Variants in HERC2 observed in about 807,000 individuals in gnomAD.
The protein encoded by HERC2 is HECT and RLD domain containing E3 ubiquitin protein ligase 2.
HERC2 carries 102 observed loss-of-function variants against 537.7 expected under a neutral mutation model. The observed-to-expected ratio is 0.19, with a 90% confidence interval of 0.16 to 0.22. The LOEUF (loss-of-function observed/expected upper bound fraction) is 0.22, where lower values mean the gene tolerates loss of function less well. Among genes scored for constraint, HERC2 ranks in the 10% least tolerant of loss-of-function variants. The pLI is 1.00. For missense variants in HERC2, 4,236 were observed against 6,198.2 expected (o/e 0.68, Z 10.63); for synonymous variants, 2,224 against 2,466.2 (o/e 0.90, Z 2.91).
chr15:28,137,279 T>C lies in HERC2; in HGVS notation c.12016-1587A>G, dbSNP rs531222293. Among the ~76,000 whole-genome samples the C allele has an allele frequency of 2.6e-5, 4 of 152,344 alleles. No homozygotes were observed. In the East Asian group the frequency reaches 7.7e-4, roughly 29 times the overall value. The stretch of plus-strand genomic sequence containing the variant: ...CACTTCAACACCTGTGCTAGCAGTC[T>C]GCCTCTGATACGGTTCACAATGATC... On this transcript the variant is annotated intron_variant, in intron 78 of 92. Coordinates refer to ENST00000261609, the MANE Select transcript of HERC2 (RefSeq NM_004667.6).
intron 2 of HERC2, among the ~76,000 whole-genome samples, chr15:28,300,039 C>T (rs2076577584): frequency 1.5e-5 from 2 of 132,984 alleles, no homozygotes; most frequent in Non-Finnish European, 3.1e-5. Context: ...GTGACAAGAG[C>T]GAGACTCGGT....
intron 70 of HERC2, among the ~76,000 whole-genome samples, chr15:28,150,519 A>G (rs1442933001): frequency 1.3e-5 from 2 of 150,014 alleles, no homozygotes; most frequent in Non-Finnish European, 3.0e-5. Context: ...CACCGAGAAC[A>G]GCCACATGAA....
intron 35 of HERC2, among the ~76,000 whole-genome samples, chr15:28,225,696 CAA>C (rs35629645): frequency 1.2e-4 from 7 of 58,814 alleles, no homozygotes; most frequent in South Asian, 4.8e-4. Flanking sequence ...GACTCCGTCT[CAA>C]AAAAAAAAAA....
intron 4 of HERC2, 49 bp downstream of exon 4, chr15:28,292,839 A>G: frequency 6.4e-7 from 1 of 1,569,024 alleles, no homozygotes; most frequent in Non-Finnish European, 8.6e-7. Context: ...TTATTTAGAA[A>G]GGGAGCGTCA....
intron 39 of HERC2, 41 bp from the exon 40 acceptor site, chr15:28,214,843 T>A: frequency 2.0e-6 from 3 of 1,495,716 alleles, no homozygotes; most frequent in Non-Finnish European, 2.8e-6. Flanking sequence ...TTAAAAAAAA[T>A]CTGATGAGGA....
At chr15:28,272,622 T>A (rs1334988372) in intron 8 of HERC2, among the ~76,000 whole-genome samples, 1 of 151,138 alleles carries the variant, frequency 6.6e-6, no homozygotes, top group Non-Finnish European at 1.5e-5. Flanking sequence ...CACATTTACA[T>A]GAAAGTTCTA....
chr15:28,257,201 C>A lies in HERC2; in HGVS notation c.2377G>T (p.Asp793Tyr). 1 of 1,613,954 alleles carries A rather than the reference C, an allele frequency of 6.2e-7. No homozygotes were observed. The highest frequency in any genetic ancestry group is 8.5e-7 in the Non-Finnish European group (1 of 1,179,858). The change falls in exon 17 of 93, where the codon GAC (aspartate) becomes TAC (tyrosine). Residue 793 changes from aspartate (D) to tyrosine (Y), a missense_variant. By Grantham distance (160) the Asp-to-Tyr change is radical. Around this residue, in one of 27 missense-constraint regions of HERC2, gnomAD observed 754 missense variants for 1,085.0 expected, o/e 0.69. Coordinates refer to ENST00000261609, the MANE Select transcript of HERC2 (RefSeq NM_004667.6). Reference sequence around the variant, plus strand: ...TGCTCAAAAGTCATTGAGCAGATGTCCACCACAAAAGGGACACGGAGGCCA... The same window carrying A: ...TGCTCAAAAGTCATTGAGCAGATGTACACCACAAAAGGGACACGGAGGCCA... ...SIGLRVPFVV[D>Y]ICSMTFEQLD...
chr15:28,219,733 G>A (rs1222626106), intron 37 of HERC2, among the ~76,000 whole-genome samples: 1 of 152,192 alleles, frequency 6.6e-6, no homozygotes, highest in African/African-American at 2.4e-5. Flanking sequence ...CCATTTCTGA[G>A]CCTGATGACA....
At chr15:28,269,551 G>A in intron 10 of HERC2, 115 bp from the exon 11 acceptor site, 2 of 793,246 alleles carry the variant, frequency 2.5e-6, no homozygotes, top group Non-Finnish European at 4.0e-6. Context: ...AAAATATGCT[G>A]ATTCAAAACA....
rs528094088 is a variant in HERC2, at chr15:28,114,623, C to G, written c.13902G>C (p.Ala4634=). Residue 4634 remains alanine, a synonymous_variant, in exon 90 of 93, where the codon GCG becomes GCC. Coordinates refer to ENST00000261609, the MANE Select transcript of HERC2 (RefSeq NM_004667.6). ...LDNRAEYVRL[A]INYRLHEFDE... Reference sequence around the variant, plus strand: ...GGATGACCACCAACCTATAGTTTATCGCCAGCCGCACGTACTCCGCGCGGT... The same window carrying G: ...GGATGACCACCAACCTATAGTTTATGGCCAGCCGCACGTACTCCGCGCGGT... 7 of 1,613,408 alleles carry G rather than the reference C, an allele frequency of 4.3e-6. No homozygotes were observed. The highest frequency in any genetic ancestry group is 5.9e-6 in the Non-Finnish European group (7 of 1,179,728).
Position 28,269,268 on chromosome 15 carries a change from C to T in HERC2, c.1426G>A (p.Ala476Thr), listed in dbSNP as rs2140977353. 6.2e-7 allele frequency: 1 copy of T among 1,613,766 alleles called. No individual in the cohort carries two copies. The highest frequency in any genetic ancestry group is 2.2e-5 in the East Asian group (1 of 44,876). ...LSRNGRVYTQAYNSDTLAPQL... is the reference protein window; with the variant it reads ...LSRNGRVYTQTYNSDTLAPQL... ...CTCACCAGCGTGTCACTATTATAGG[C>T]CTGTGTGTACACGCGGCCATTGCGT... The change falls in exon 11 of 93, where the codon GCC (alanine) becomes ACC (threonine). Residue 476 changes from alanine to threonine, a missense_variant. By Grantham distance (58) the Ala-to-Thr change is moderately conservative. This residue lies in a region of HERC2 where 491 missense variants were observed against 559.3 expected (regional missense o/e 0.88). Transcript: ENST00000261609.
intron 3 of HERC2, among the ~76,000 whole-genome samples, chr15:28,298,978 G>A (rs2076547735): frequency 6.6e-6 from 1 of 152,140 alleles, no homozygotes; most frequent in Non-Finnish European, 1.5e-5. Context: ...GATTCAACAA[G>A]TTTAGGGTGT....
At chr15:28,257,337 G>T in intron 16 of HERC2, 76 bp from the exon 17 acceptor site, 1 of 1,238,312 alleles carries the variant, frequency 8.1e-7, no homozygotes, top group Non-Finnish European at 1.2e-6. Context: ...TCACCAGCGT[G>T]TGTGATGGAG....
intron 2 of HERC2, among the ~76,000 whole-genome samples, chr15:28,308,063 A>AT (rs57732933): frequency 5.5e-4 from 79 of 144,256 alleles, no homozygotes; most frequent in African/African-American, 5.7e-4. Flanking sequence ...GAATTTTAGG[A>AT]TTTTTTTTTT....
intron 78 of HERC2, among the ~76,000 whole-genome samples, chr15:28,140,551 T>G (rs1891115871): frequency 6.6e-6 from 1 of 152,106 alleles, no homozygotes; most frequent in South Asian, 2.1e-4. Context: ...AGACAGAATC[T>G]CACTCCGTCA....
At chr15:28,228,118 A>T in intron 35 of HERC2, 100 bp downstream of exon 35, 2 of 1,064,074 alleles carry the variant, frequency 1.9e-6, no homozygotes, top group Non-Finnish European at 2.7e-6. Flanking sequence ...ACCATAATTT[A>T]CAAAAAGCTT....
At chr15:28,153,992 A>G (rs1892730017) in intron 69 of HERC2, among the ~76,000 whole-genome samples, 1 of 152,204 alleles carries the variant, frequency 6.6e-6, no homozygotes. Flanking sequence ...CCAGTACACT[A>G]GGGGTCAGAC....
Position 28,168,409 on chromosome 15 carries a change from C to G in HERC2, c.10411G>C (p.Glu3471Gln). The G allele has an allele frequency of 6.2e-7, 1 of 1,613,452 alleles. No homozygotes were observed. The highest frequency in any genetic ancestry group is 2.2e-5 in the East Asian group (1 of 44,840). The part of the protein sequence containing the change: ...LSPNPWQEKR[E>Q]IVSSEDAVTP... ...CATTGCTTTAGATTCGCTTTTACCT[C>G]TCTCTTTTCTTGCCATGGATTTGGA... Residue 3471 changes from glutamate (E) to glutamine (Q), a missense_variant and splice_region_variant, in exon 67 of 93, where the codon GAG (glutamate) becomes CAG (glutamine). Coordinates refer to ENST00000261609, the MANE Select transcript of HERC2 (RefSeq NM_004667.6).
At chr15:28,302,083 C>T (rs925675837) in intron 2 of HERC2, among the ~76,000 whole-genome samples, 1 of 148,368 alleles carries the variant, frequency 6.7e-6, no homozygotes, top group Non-Finnish European at 1.5e-5. Flanking sequence ...CAGGCGTAAG[C>T]CACTGTGCCC....
Sources: gnomAD v4.1 joint callset for allele counts (sites outside exome capture counted in the v4.1 genomes callset) on GRCh38, gnomAD v4.1.1 for gene constraint, gnomAD v4.1.1 regional missense constraint, MANE v1.5 for transcripts, NCBI Gene and HGNC (gene_info 2026-07-23, HGNC 2026-07-21) for gene names.